The following DPYSL3 variants were observed in gnomAD, a reference collection of about 807,000 sequenced individuals.
DPYSL3 encodes the protein dihydropyrimidinase like 3.
A neutral mutation model predicts 66.1 loss-of-function variants in DPYSL3; 16 were observed. The observed-to-expected ratio is 0.24, with a 90% CI of 0.16 to 0.37. The LOEUF (loss-of-function observed/expected upper bound fraction) is 0.37, where lower values mean the gene tolerates loss of function less well. Among genes scored for constraint, DPYSL3 ranks in the 10% least tolerant of loss-of-function variants. The pLI is 1.00. For missense variants in DPYSL3, 738 were observed against 916.2 expected (o/e 0.81, Z 2.51); for synonymous variants, 338 against 345.1 (o/e 0.98, Z 0.23).
intron 1 of DPYSL3, among the ~76,000 whole-genome samples, chr5:147,478,333 T>C (rs1467180197): frequency 2.0e-5 from 3 of 152,182 alleles, no homozygotes; most frequent in East Asian, 1.9e-4. Context: ...GCTGGGCACA[T>C]TGCCTCTGTC....
chr5:147,405,128 G>C (rs906815921), intron 8 of DPYSL3, among the ~76,000 whole-genome samples: 11 of 152,196 alleles, frequency 7.2e-5, no homozygotes, highest in African/African-American at 2.7e-4. Flanking sequence ...AGAGGAAAGA[G>C]AGCCAAGAAA....
chr5:147,447,069 C>T (rs186505898), intron 1 of DPYSL3, among the ~76,000 whole-genome samples: 435 of 152,318 alleles, frequency 2.9e-3, no homozygotes, highest in Non-Finnish European at 4.7e-3. Context: ...CTCTGAGCCT[C>T]TCTCCAGAAT....
intron 1 of DPYSL3, among the ~76,000 whole-genome samples, chr5:147,435,200 C>G (rs1752394327): frequency 6.6e-6 from 1 of 152,170 alleles, no homozygotes; most frequent in Non-Finnish European, 1.5e-5. Context: ...CTAAGTGAAT[C>G]TAAGGTAAAT....
chr5:147,402,647 T>TC (rs1758227085), intron 8 of DPYSL3, among the ~76,000 whole-genome samples: 1 of 151,234 alleles, frequency 6.6e-6, no homozygotes, highest in African/African-American at 2.4e-5. Flanking sequence ...GCGCCCGGCC[T>TC]ATGACTTTTT....
In DPYSL3 at chr5:147,509,565, G is replaced by A; in HGVS notation, c.294C>T (p.Pro98=). The A allele has an allele frequency of 6.5e-7, 1 of 1,535,012 alleles. No homozygotes were observed. The highest frequency in any genetic ancestry group is 1.2e-5 in the South Asian group (1 of 83,976). ...RGQGREESRE[P]APASPAPAGV... ...CGGCGGGGGCGGGGGAGGCGGGCGC[G>A]GGCTCCCTGCTCTCTTCCCGGCCTT... is the stretch of plus-strand genomic sequence containing the variant. Residue 98 remains proline (P), a synonymous_variant, in exon 1 of 14, where the codon CCC becomes CCT. Transcript: ENST00000343218. This position sits in a 1 kb window ranked among gnomAD's most constrained non-coding sequence, Gnocchi z 5.3.
At chr5:147,425,015 G>T in intron 1 of DPYSL3, 52 bp from the exon 2 acceptor site, 1 of 1,443,216 alleles carries the variant, frequency 6.9e-7, no homozygotes, top group South Asian at 1.2e-5. Flanking sequence ...TTTCAGAGAA[G>T]AGTGATCTGC....
intron 1 of DPYSL3, among the ~76,000 whole-genome samples, chr5:147,456,727 A>G (rs547232119): frequency 6.6e-6 from 1 of 151,404 alleles, no homozygotes. Flanking sequence ...AGTAGCTGGC[A>G]TTACAGGTGT....
At chr5:147,497,761 T>G (rs553334659) in intron 1 of DPYSL3, among the ~76,000 whole-genome samples, 61 of 151,574 alleles carry the variant, frequency 4.0e-4, no homozygotes, top group African/African-American at 1.4e-3. Context: ...CTCAGCTTGA[T>G]AAAGAATACG....
chr5:147,491,996 A>G (rs1753423305), intron 1 of DPYSL3, among the ~76,000 whole-genome samples: 1 of 152,134 alleles, frequency 6.6e-6, no homozygotes, highest in Admixed American at 6.6e-5. Flanking sequence ...ACACATAGAC[A>G]TATATTCAAA....
chr5:147,401,111 G>T (rs1223941873), intron 9 of DPYSL3, among the ~76,000 whole-genome samples: 1 of 152,216 alleles, frequency 6.6e-6, no homozygotes, highest in Admixed American at 6.5e-5. Flanking sequence ...TATGTCTGCA[G>T]AGGGCAGCAA....
intron 1 of DPYSL3, among the ~76,000 whole-genome samples, chr5:147,428,484 T>C (rs1361654317): frequency 6.6e-6 from 1 of 152,090 alleles, no homozygotes; most frequent in African/African-American, 2.4e-5. Context: ...CACTGGGGAA[T>C]GTGAGCGTGG....
Position 147,450,435 on chromosome 5 carries a change from C to T in DPYSL3, c.382-25472G>A, listed in dbSNP as rs78589589. ...GTGAAGATCCCTTGCTGTGATCTGTCGAACCCCCAAAACTGCCAGTCTCTG... is the reference window on the plus strand; with the variant it reads ...GTGAAGATCCCTTGCTGTGATCTGTTGAACCCCCAAAACTGCCAGTCTCTG... On this transcript the variant is annotated intron_variant, in intron 1 of 13. Transcript: ENST00000343218. 1.9e-3 allele frequency among the ~76,000 whole-genome samples: 282 copies of T among 152,216 alleles called. 1 individual carries two copies. Among genetic ancestry groups the T allele is most frequent in the African/African-American group, 6.6e-3 (273 of 41,518 alleles).
In DPYSL3 at chr5:147,409,133, T is replaced by A. The variant is rs1432857; in HGVS notation, c.964-337A>T. Among the ~76,000 whole-genome samples the A allele has an allele frequency of 0.014, 2,084 of 152,350 alleles. 128 individuals are homozygous for A. The East Asian group carries it at 0.19, about 14-fold the overall frequency. ...ACTATACTTGCTTATCTCATTTGTT[T>A]ATTCACTCATGCTCTTTAAGCCATT... On this transcript the variant is annotated intron_variant, in intron 6 of 13. Transcript: ENST00000343218.
rs137976424 is a variant in DPYSL3, at chr5:147,419,490, T to C, written c.471-859A>G. Among the ~76,000 whole-genome samples the C allele has an allele frequency of 1.8e-3, 270 of 152,346 alleles. 2 individuals are homozygous for C. The highest frequency in any genetic ancestry group is 4.8e-3 in the African/African-American group (200 of 41,582). On this transcript the variant is annotated intron_variant, in intron 2 of 13. Transcript: ENST00000343218. ...ATGCTGCTTATAGATCAGCCAGTAT[T>C]GCTTGGCTTATACGTGGTATCACAT...
intron 1 of DPYSL3, among the ~76,000 whole-genome samples, chr5:147,498,222 A>T (rs1189069733): frequency 1.3e-5 from 2 of 152,156 alleles, no homozygotes; most frequent in Admixed American, 6.5e-5. Context: ...TTTGCTAAAG[A>T]TAATGGCCTC....
At position 147,401,681 on chromosome 5, in the gene DPYSL3, C is replaced by T; in HGVS notation, c.1169G>A (p.Gly390Asp). 2 of 1,614,002 alleles carry T rather than the reference C, an allele frequency of 1.2e-6. No individual in the cohort carries two copies. The highest frequency in any genetic ancestry group is 1.7e-6 in the Non-Finnish European group (2 of 1,179,994). The change falls in exon 9 of 14, where the codon GGT becomes GAT. Residue 390 changes from glycine to aspartate, a missense_variant. Coordinates refer to ENST00000343218, the MANE Select transcript of DPYSL3 (RefSeq NM_001197294.2). ...GCCGAGGCTGGCAGTGATGGGCTCA[C>T]CAAAGACTACATTTCCTAGAAGGGG... ...QARKKGNVVF[G>D]EPITASLGID...
chr5:147,488,495 G>A (rs1043752623), intron 1 of DPYSL3, among the ~76,000 whole-genome samples: 1 of 152,118 alleles, frequency 6.6e-6, no homozygotes, highest in Non-Finnish European at 1.5e-5. Flanking sequence ...GCAAGCCACA[G>A]CAGTCAATAA....
chr5:147,480,223 G>A (rs891666007), intron 1 of DPYSL3, among the ~76,000 whole-genome samples: 5 of 152,034 alleles, frequency 3.3e-5, no homozygotes, highest in African/African-American at 1.2e-4. Flanking sequence ...AGTCATCTCC[G>A]GCCTCCAGCT....
intron 1 of DPYSL3, among the ~76,000 whole-genome samples, chr5:147,478,368 G>T (rs1753191165): frequency 6.6e-6 from 1 of 152,196 alleles, no homozygotes; most frequent in African/African-American, 2.4e-5. Context: ...GGTTGCCTCA[G>T]TAAGAAAGAA....
Sources: gnomAD v4.1 joint callset for allele counts (sites outside exome capture counted in the v4.1 genomes callset) on GRCh38, gnomAD v4.1.1 for gene constraint, Gnocchi (gnomAD v3.1) non-coding constraint, MANE v1.5 for transcripts, NCBI Gene and HGNC (gene_info 2026-07-23, HGNC 2026-07-21) for gene names.